Variants in SUGCT observed in about 807,000 individuals in gnomAD.
The protein encoded by SUGCT is succinyl-CoA:glutarate-CoA transferase.
In SUGCT, 41 loss-of-function variants were observed where a neutral mutation model predicts 55.0. The observed-to-expected ratio is 0.74, with a 90% CI of 0.58 to 0.97. The LOEUF (loss-of-function observed/expected upper bound fraction) is 0.97, where lower values mean the gene tolerates loss of function less well. SUGCT is among the 50% of genes least tolerant of loss of function. The pLI is 0.00. For missense variants in SUGCT, 568 were observed against 547.8 expected (o/e 1.04, Z -0.37); for synonymous variants, 187 against 200.4 (o/e 0.93, Z 0.56).
intron 10 of SUGCT, among the ~76,000 whole-genome samples, chr7:40,457,697 A>C (rs185252103): frequency 7.7e-4 from 117 of 152,322 alleles, no homozygotes; most frequent in Admixed American, 1.8e-3. Flanking sequence ...ACCATCTTTG[A>C]AACAAAAAAG....
chr7:40,957,857 G>C, the SUGCT span, among the ~76,000 whole-genome samples: 8 of 152,064 alleles, frequency 5.3e-5, no homozygotes, highest in Non-Finnish European at 8.8e-5. Flanking sequence ...AGGCAGGCCT[G>C]GTGGTGACAA....
At chr7:40,766,193 A>T (rs911787460) in intron 13 of SUGCT, among the ~76,000 whole-genome samples, 2 of 152,168 alleles carry the variant, frequency 1.3e-5, no homozygotes, top group Admixed American at 6.5e-5. Context: ...GGTATAACTA[A>T]ATTCAACCTT....
the SUGCT span, among the ~76,000 whole-genome samples, chr7:40,957,605 A>G: frequency 6.6e-6 from 1 of 151,944 alleles, no homozygotes; most frequent in Non-Finnish European, 1.5e-5. Flanking sequence ...TCAATTTGCT[A>G]GTCTATGTCT....
At chr7:40,299,047 C>T (rs932771427) in intron 8 of SUGCT, among the ~76,000 whole-genome samples, 5 of 152,024 alleles carry the variant, frequency 3.3e-5, no homozygotes, top group African/African-American at 1.2e-4. Context: ...TCAATTTGTC[C>T]AACAGTGTTC....
chr7:40,337,445 A>G (rs932110760), intron 9 of SUGCT, among the ~76,000 whole-genome samples: 3 of 152,162 alleles, frequency 2.0e-5, no homozygotes, highest in South Asian at 4.1e-4. Context: ...TATTGGATGC[A>G]TATATATTTA....
At position 40,135,012 on chromosome 7, in the gene SUGCT, A is replaced by C. The variant is rs760729591; in HGVS notation, c.-9A>C. ...TGCACCGGGACCGATGCCATCTGAG[A>C]CGCACGCGATGCTGGCGACGCTGGC... On this transcript the variant is annotated 5_prime_UTR_variant, in exon 1 of 14. Coordinates refer to ENST00000335693, the MANE Select transcript of SUGCT (RefSeq NM_001193313.2). 2 of 1,557,672 alleles carry C rather than the reference A, an allele frequency of 1.3e-6. No individual in the cohort carries two copies. Among genetic ancestry groups the C allele is most frequent in the Non-Finnish European group, 1.7e-6 (2 of 1,152,906 alleles).
chr7:40,614,080 A>AG (rs1798886814), intron 12 of SUGCT, among the ~76,000 whole-genome samples: 1 of 151,688 alleles, frequency 6.6e-6, no homozygotes, highest in Non-Finnish European at 1.5e-5. Flanking sequence ...AATTACCCTG[A>AG]GGTCAGGGTA....
At chr7:40,793,813 T>C (rs1790428678) in intron 13 of SUGCT, among the ~76,000 whole-genome samples, 2 of 152,090 alleles carry the variant, frequency 1.3e-5, no homozygotes, top group South Asian at 4.1e-4. Context: ...CTTTTAACTT[T>C]CATATTTTTA....
At chr7:40,142,452 G>A (rs1035187920) in intron 1 of SUGCT, among the ~76,000 whole-genome samples, 52 of 152,234 alleles carry the variant, frequency 3.4e-4, no homozygotes, top group African/African-American at 1.1e-3. Context: ...CTTTACATAA[G>A]GCAGAGAATA....
chr7:40,478,045 G>A (rs1304813023), intron 11 of SUGCT, among the ~76,000 whole-genome samples: 1 of 152,072 alleles, frequency 6.6e-6, no homozygotes, highest in Non-Finnish European at 1.5e-5. Context: ...CAGGCTGGAG[G>A]GCAGAGGTGC....
intron 3 of SUGCT, among the ~76,000 whole-genome samples, chr7:40,186,060 T>G (rs534023434): frequency 2.1e-3 from 317 of 152,014 alleles, no homozygotes; most frequent in African/African-American, 6.7e-3. Flanking sequence ...AAAATTTGGT[T>G]GTTGTTTTCT....
intron 10 of SUGCT, among the ~76,000 whole-genome samples, chr7:40,456,965 G>A (rs574429860): frequency 6.6e-6 from 1 of 152,066 alleles, no homozygotes; most frequent in Non-Finnish European, 1.5e-5. Flanking sequence ...TTAGATGATA[G>A]GCATGTTAAA....
At chr7:40,807,867 A>G (rs892623730) in intron 13 of SUGCT, among the ~76,000 whole-genome samples, 3 of 152,250 alleles carry the variant, frequency 2.0e-5, no homozygotes, top group Non-Finnish European at 2.9e-5. Context: ...TTTGAGAGCA[A>G]GAAGCATCCA....
At chr7:40,389,484 A>G (rs1323105838) in intron 9 of SUGCT, among the ~76,000 whole-genome samples, 1 of 152,184 alleles carries the variant, frequency 6.6e-6, no homozygotes, top group Non-Finnish European at 1.5e-5. Context: ...CAAAAAGAAG[A>G]GTTACCGAAC....
At chr7:40,670,211 G>A (rs1801870157) in intron 12 of SUGCT, among the ~76,000 whole-genome samples, 1 of 142,028 alleles carries the variant, frequency 7.0e-6, no homozygotes, top group African/African-American at 2.6e-5. Context: ...AAGAAGAAGA[G>A]TTTCATATCA....
At chr7:40,399,323 A>G (rs1325862872) in intron 9 of SUGCT, among the ~76,000 whole-genome samples, 1 of 152,206 alleles carries the variant, frequency 6.6e-6, no homozygotes, top group African/African-American at 2.4e-5. Flanking sequence ...GATTTAAGGT[A>G]TTAAAAAATA....
At chr7:40,796,528 TG>T (rs1790562991) in intron 13 of SUGCT, among the ~76,000 whole-genome samples, 1 of 152,202 alleles carries the variant, frequency 6.6e-6, no homozygotes, top group Non-Finnish European at 1.5e-5. Flanking sequence ...GGTTAAGCAC[TG>T]GCCATATATG....
intron 12 of SUGCT, among the ~76,000 whole-genome samples, chr7:40,523,394 G>A (rs1409552824): frequency 6.6e-6 from 1 of 152,004 alleles, no homozygotes; most frequent in Non-Finnish European, 1.5e-5. Flanking sequence ...ATATGTAAAT[G>A]TACCTGTTTT....
At chr7:40,585,907 C>T (rs1210573782) in intron 12 of SUGCT, among the ~76,000 whole-genome samples, 1 of 152,098 alleles carries the variant, frequency 6.6e-6, no homozygotes, top group African/African-American at 2.4e-5. Context: ...TCTTGAACTC[C>T]TGGGCTCAAG....
Sources: allele counts gnomAD v4.1 joint callset (sites outside exome capture counted in the v4.1 genomes callset), GRCh38; gene constraint gnomAD v4.1.1; transcripts MANE v1.5; gene names NCBI Gene and HGNC (gene_info 2026-07-23, HGNC 2026-07-21).